The following MTCL1 variants were observed in gnomAD, a reference collection of about 807,000 sequenced individuals.
MTCL1 encodes microtubule crosslinking factor 1, also known as microtubule cross-linking factor 1.
In MTCL1, 79 loss-of-function variants were observed where a neutral mutation model predicts 141.4. That is an observed-to-expected ratio of 0.56 (90% CI 0.47 to 0.67). MTCL1 has a LOEUF of 0.67. Among genes scored for constraint, MTCL1 ranks in the 30% least tolerant of loss-of-function variants. The pLI is 0.00. For synonymous variants in MTCL1, 914 were observed against 875.8 expected, an observed-to-expected ratio of 1.04 and a Z score of -0.77; for missense variants, 2,177 against 2,113.9, an observed-to-expected ratio of 1.03 and a Z score of -0.59.
At chr18:8,793,150 C>T (rs371761468) in intron 8 of MTCL1, 30 bp downstream of exon 7, 131 of 1,610,012 alleles carry the variant, frequency 8.1e-5, no homozygotes, top group Non-Finnish European at 1.1e-4. Flanking sequence ...TCAGCACAAC[C>T]GCTTTGTGAA....
At chr18:8,726,537 AT>A (rs1567945434) in intron 4 of MTCL1, among the ~76,000 whole-genome samples, 9,331 of 92,984 alleles carry the variant, frequency 0.1, 633 homozygotes, top group Admixed American at 0.23. Context: ...GCGAGTGCGC[AT>A]GCGCGCGCGC....
chr18:8,710,131 C>T (rs912409340), intron 1 of MTCL1, among the ~76,000 whole-genome samples: 4 of 152,158 alleles, frequency 2.6e-5, no homozygotes, highest in Non-Finnish European at 5.9e-5. Flanking sequence ...TGAGCCACCG[C>T]GCCCGGCCTG....
intron 10 of MTCL1, 67 bp from the exon 10 acceptor site, chr18:8,806,823 ATCC>A: frequency 6.5e-7 from 1 of 1,542,186 alleles, no homozygotes; most frequent in Non-Finnish European, 8.8e-7. Flanking sequence ...TGATAGCCAG[ATCC>A]TCTCCTCTTC....
chr18:8,721,338 C>T (rs932289466), intron 4 of MTCL1, among the ~76,000 whole-genome samples: 41 of 152,226 alleles, frequency 2.7e-4, no homozygotes, highest in African/African-American at 9.2e-4. Flanking sequence ...TGCCCCCTCC[C>T]ATCTGCTGCA....
chr18:8,828,893 G>C lies in MTCL1; in HGVS notation c.4723-15G>C. ...CTTCTTGCTTTTCTTTTCTTTCTCT[G>C]TCTGTTCTGTCCAGAACCAAACTGT... On this transcript the variant is annotated splice_polypyrimidine_tract_variant and intron_variant, in intron 15 of 16. Coordinates refer to ENST00000359865, the Ensembl canonical transcript of MTCL1. The surrounding 1 kb of genome is among the most constrained non-coding windows in gnomAD (Gnocchi z 5.2). 2 of 1,614,078 alleles carry C rather than the reference G, an allele frequency of 1.2e-6. No homozygotes were observed. Among genetic ancestry groups the C allele is most frequent in the Non-Finnish European group, 8.5e-7 (1 of 1,180,006 alleles).
chr18:8,829,171 T>C (rs2077120297), intron 16 of MTCL1: 2 of 985,478 alleles, frequency 2.0e-6, no homozygotes, highest in South Asian at 9.4e-5. Flanking sequence ...GACCACTCAA[T>C]GCAAAGAAGG....
chr18:8,831,822 A>C, exon 17 of MTCL1: 2 of 1,549,852 alleles, frequency 1.3e-6, no homozygotes, highest in Non-Finnish European at 1.7e-6. Context: ...ATGGATTATC[A>C]CAGTATAATT....
chr18:8,743,126 G>C (rs1366275188), intron 4 of MTCL1, among the ~76,000 whole-genome samples: 1 of 152,204 alleles, frequency 6.6e-6, no homozygotes, highest in African/African-American at 2.4e-5. Context: ...CCGTGTGGAG[G>C]AGCTAGAGAA....
exon 1 of MTCL1, chr18:8,706,563 T>C: frequency 1.4e-6 from 2 of 1,417,452 alleles, no homozygotes; most frequent in African/African-American, 3.0e-5. Context: ...TGGCGGAGGA[T>C]GTCCGGGGGC....
At position 8,828,790 on chromosome 18, in the gene MTCL1, G is replaced by T; in HGVS notation, c.4723-118G>T. 4 of 1,527,164 alleles carry T rather than the reference G, an allele frequency of 2.6e-6. No individual in the cohort carries two copies. In the South Asian group the frequency reaches 4.8e-5, roughly 18 times the overall value. The allele number at this position is 1,527,164 out of a possible 1,614,324, so 94.6% of individuals were successfully genotyped here. Reference sequence around the variant, plus strand: ...TCTCTCCTGGTGGCTACCCCTGAGCGAGAGGGATGGTCCTCTACCTCCGGG... The same window carrying T: ...TCTCTCCTGGTGGCTACCCCTGAGCTAGAGGGATGGTCCTCTACCTCCGGG... On this transcript the variant is annotated intron_variant, in intron 15 of 16. Transcript: ENST00000359865. This position sits in a 1 kb window ranked among gnomAD's most constrained non-coding sequence, Gnocchi z 5.2.
At chr18:8,823,122 G>A (rs891463303) in intron 14 of MTCL1, among the ~76,000 whole-genome samples, 2 of 151,952 alleles carry the variant, frequency 1.3e-5, no homozygotes, top group African/African-American at 4.8e-5. Context: ...CTCTGATTCT[G>A]ACTGCCCGGT....
At chr18:8,722,727 A>G (rs2096181539) in intron 4 of MTCL1, among the ~76,000 whole-genome samples, 1 of 152,184 alleles carries the variant, frequency 6.6e-6, no homozygotes, top group South Asian at 2.1e-4. Flanking sequence ...CATAGGTGGA[A>G]GAAGATTTGA....
At chr18:8,773,147 T>C (rs1232370574) in intron 4 of MTCL1, among the ~76,000 whole-genome samples, 4 of 152,162 alleles carry the variant, frequency 2.6e-5, no homozygotes, top group African/African-American at 9.7e-5. Flanking sequence ...CATTTATAAA[T>C]CTTGGTGCAT....
intron 4 of MTCL1, among the ~76,000 whole-genome samples, chr18:8,755,508 G>C (rs2148972266): frequency 6.6e-6 from 1 of 152,182 alleles, no homozygotes; most frequent in East Asian, 1.9e-4. Context: ...AGCACTTCAG[G>C]GACATCTCAC....
intron 4 of MTCL1, among the ~76,000 whole-genome samples, chr18:8,728,556 G>A (rs517725): frequency 0.44 from 65,989 of 151,546 alleles, 15,953 homozygotes; most frequent in African/African-American, 0.63. Context: ...ATTTTGCTCA[G>A]CATTCACCGT....
At chr18:8,774,262 G>T (rs79945902) in intron 4 of MTCL1, among the ~76,000 whole-genome samples, 1 of 151,966 alleles carries the variant, frequency 6.6e-6, no homozygotes, top group Non-Finnish European at 1.5e-5. Flanking sequence ...GAATGTGTGT[G>T]TGTGTGTGTG....
intron 13 of MTCL1, 77 bp from the exon 13 acceptor site, chr18:8,821,390 C>T: frequency 1.1e-6 from 1 of 946,140 alleles, no homozygotes; most frequent in Non-Finnish European, 1.7e-6. Flanking sequence ...GCAGAGCAAA[C>T]AAATCACTTA....
intron 1 of MTCL1, among the ~76,000 whole-genome samples, chr18:8,711,351 C>A (rs1166442240): frequency 6.7e-6 from 1 of 148,686 alleles, no homozygotes; most frequent in Non-Finnish European, 1.5e-5. Context: ...AATAAACATA[C>A]GTGTGCATGT....
intron 4 of MTCL1, among the ~76,000 whole-genome samples, chr18:8,732,729 C>A (rs1284822619): frequency 6.6e-6 from 1 of 152,156 alleles, no homozygotes; most frequent in Non-Finnish European, 1.5e-5. Flanking sequence ...TGAGAATAAG[C>A]CCCAGAGAGA....
Sources: allele counts gnomAD v4.1 joint callset (sites outside exome capture counted in the v4.1 genomes callset), GRCh38; gene constraint gnomAD v4.1.1; non-coding constraint Gnocchi (gnomAD v3.1); transcripts MANE v1.5; gene names NCBI Gene and HGNC (gene_info 2026-07-23, HGNC 2026-07-21).